ZNF138: variants seen among roughly 807,000 people sequenced by gnomAD.
ZNF138 encodes the protein zinc finger protein 138, also known as zinc finger protein 138 (clone pHZ-32).
Under a neutral mutation model 33.0 loss-of-function variants are expected in ZNF138, and 33 were observed. The observed-to-expected ratio is 1.00, with a 90% CI of 0.76 to 1.34. The LOEUF (loss-of-function observed/expected upper bound fraction) is 1.34, where lower values mean the gene tolerates loss of function less well. Ranked by LOEUF, ZNF138 falls within the 40% of genes most tolerant of loss-of-function variation. ZNF138 has a pLI of 0.00. For synonymous variants in ZNF138, 139 were observed against 120.4 expected (o/e 1.15, Z -1.01); for missense variants, 360 against 370.8 (o/e 0.97, Z 0.24).
chr7:64,840,039 T>C, the ZNF138 span, among the ~76,000 whole-genome samples: 3 of 151,996 alleles, frequency 2.0e-5, no homozygotes, highest in African/African-American at 4.8e-5. Context: ...GTGTGACACG[T>C]CCTAGTGGGC....
intron 3 of ZNF138, among the ~76,000 whole-genome samples, chr7:64,824,093 A>G (rs1226538998): frequency 2.0e-5 from 3 of 152,208 alleles, no homozygotes; most frequent in African/African-American, 7.2e-5. Context: ...TTGGATGTCC[A>G]TGTTCTCCAA....
At chr7:64,830,803 TA>T in intron 3 of ZNF138, 1 of 1,040,176 alleles carries the variant, frequency 9.6e-7, no homozygotes, top group Non-Finnish European at 1.3e-6. Context: ...TTTGTCTGGC[TA>T]AAGATTCTGA....
At chr7:64,853,677 C>T in the ZNF138 span, among the ~76,000 whole-genome samples, 2 of 150,870 alleles carry the variant, frequency 1.3e-5, no homozygotes, top group South Asian at 2.1e-4. Flanking sequence ...AGGGCATTCC[C>T]GTCTTAAAGC....
At chr7:64,805,213 A>G (rs1787478788) in intron 1 of ZNF138, among the ~76,000 whole-genome samples, 2 of 152,072 alleles carry the variant, frequency 1.3e-5, no homozygotes, top group African/African-American at 4.8e-5. Context: ...CCTGACCAAC[A>G]TGGTGAAACC....
the ZNF138 span, among the ~76,000 whole-genome samples, chr7:64,853,561 A>ATG: frequency 2.7e-5 from 4 of 148,606 alleles, no homozygotes; most frequent in African/African-American, 1.0e-4. Context: ...GATTCAAATG[A>ATG]TGAAACTTAC....
At chr7:64,804,300 C>G (rs150347018) in intron 1 of ZNF138, among the ~76,000 whole-genome samples, 3 of 152,134 alleles carry the variant, frequency 2.0e-5, no homozygotes, top group African/African-American at 7.2e-5. Flanking sequence ...TGTTCTGTTC[C>G]GTTCTAATTA....
Position 64,794,458 on chromosome 7 carries a change from C to T in ZNF138, c.-111C>T, listed in dbSNP as rs1011008916. 6.6e-7 allele frequency: 1 copy of T among 1,520,770 alleles called. No individual in the cohort carries two copies. The highest frequency in any genetic ancestry group is 1.4e-5 in the African/African-American group (1 of 72,568). 94.2% of individuals were successfully genotyped at this position (1,520,770 alleles called of 1,614,324 possible). A position where few individuals can be genotyped will look rare whatever the true frequency, so the allele number is the denominator to read the frequency against. On this transcript the variant is annotated 5_prime_UTR_variant, in exon 1 of 4. Transcript: ENST00000307355. The stretch of plus-strand genomic sequence containing the variant: ...GCTGCAGCGGGTGCTGCAGGTCTGG[C>T]CTTCACTTTTCTGCGTCCTCTTACT...
intron 3 of ZNF138, among the ~76,000 whole-genome samples, chr7:64,829,130 A>G (rs1789880059): frequency 1.3e-5 from 2 of 152,144 alleles, no homozygotes; most frequent in Non-Finnish European, 2.9e-5. Context: ...CAAGTGTTCT[A>G]TTGAGGAGAA....
At chr7:64,805,034 A>C (rs965113254) in intron 1 of ZNF138, among the ~76,000 whole-genome samples, 3 of 151,804 alleles carry the variant, frequency 2.0e-5, no homozygotes, top group African/African-American at 7.3e-5. Flanking sequence ...TCACAGGAGA[A>C]CTCTTGGAGC....
At chr7:64,837,490 A>G (rs1790400031), downstream of ZNF138, among the ~76,000 whole-genome samples, 1 of 152,134 alleles carries the variant, frequency 6.6e-6, no homozygotes, top group Admixed American at 6.5e-5. Flanking sequence ...AGCTCTTGAA[A>G]GAGGAAGGGG....
chr7:64,831,935 C>T lies in ZNF138; in HGVS notation c.693C>T (p.Ala231=), dbSNP rs62456845. ...ACAAATGTGAAGTATGTGGAAAAGC[C>T]TTTCACCAATCCTCAATCCTTACTA... ...KPYKCEVCGK[A]FHQSSILTKH... Residue 231 remains alanine (A), a synonymous_variant, in exon 4 of 4, where the codon GCC becomes GCT. Coordinates refer to ENST00000307355, the MANE Select transcript of ZNF138 (RefSeq NM_001271639.2). 7.2e-3 allele frequency: 11,626 copies of T among 1,613,188 alleles called. 41 individuals are homozygous for T. The highest frequency in any genetic ancestry group is 9.1e-3 in the Non-Finnish European group (10,748 of 1,179,720).
intron 3 of ZNF138, chr7:64,830,839 A>G: frequency 7.9e-7 from 1 of 1,272,136 alleles, no homozygotes; most frequent in South Asian, 1.7e-5. Flanking sequence ...TGTTCTTAGG[A>G]TGTGTCAGGT....
the ZNF138 span, among the ~76,000 whole-genome samples, chr7:64,850,520 A>G: frequency 6.6e-6 from 1 of 152,346 alleles, no homozygotes; most frequent in Non-Finnish European, 1.5e-5. Context: ...CTACTAATTT[A>G]GAAAATTCAA....
chr7:64,808,594 T>A (rs201240333), intron 1 of ZNF138, among the ~76,000 whole-genome samples: 2 of 151,910 alleles, frequency 1.3e-5, no homozygotes, highest in African/African-American at 2.4e-5. Flanking sequence ...CTTTTTTTTT[T>A]AAATTTATTT....
rs1014057089 is a variant in ZNF138 at position 64,831,453 on chromosome 7, C to G, written c.211C>G (p.Leu71Val). 6.5e-7 allele frequency: 1 copy of G among 1,544,906 alleles called. No individual in the cohort carries two copies. The highest frequency in any genetic ancestry group is 8.7e-7 in the Non-Finnish European group (1 of 1,151,610). The change falls in exon 4 of 4, where the codon CTG (leucine) becomes GTG (valine). Residue 71 changes from leucine (L) to valine (V), a missense_variant and splice_region_variant. Physicochemically the swap from Leu to Val is conservative, Grantham distance 32 (BLOSUM62 1). Coordinates refer to ENST00000307355, the MANE Select transcript of ZNF138 (RefSeq NM_001271639.2). ...HEMVVAKHSA[L>V]CSRFAQDLWL... is the part of the protein sequence containing the mutation. Reference sequence around the variant, plus strand: ...TTGTTATTTTTTGTTTCTTTCAGCTCTGTGTTCTCGTTTTGCCCAAGACCT... The same window carrying G: ...TTGTTATTTTTTGTTTCTTTCAGCTGTGTGTTCTCGTTTTGCCCAAGACCT...
the ZNF138 span, among the ~76,000 whole-genome samples, chr7:64,847,247 C>T: frequency 6.7e-6 from 1 of 149,932 alleles, no homozygotes. Flanking sequence ...CTGAGGTGGG[C>T]AGATCACTTG....
Position 64,832,531 on chromosome 7 carries a change from G to T in ZNF138, c.*329G>T, listed in dbSNP as rs1456672594. 2 of 664,906 alleles carry T rather than the reference G, an allele frequency of 3.0e-6. No homozygotes were observed. Among genetic ancestry groups the T allele is most frequent in the Non-Finnish European group, 4.7e-6 (2 of 428,124 alleles). 41.2% of individuals were successfully genotyped at this position (664,906 alleles called of 1,614,324 possible). A position where few individuals can be genotyped will look rare whatever the true frequency, so the allele number is the denominator to read the frequency against. On this transcript the variant is annotated 3_prime_UTR_variant, in exon 4 of 4. Coordinates refer to ENST00000307355, the MANE Select transcript of ZNF138 (RefSeq NM_001271639.2). ...GGAGAATGCGGAAAAGCCTTTAACTGGTCCTCAACTCTTATTACACATAAG... is the reference window on the plus strand; with the variant it reads ...GGAGAATGCGGAAAAGCCTTTAACTTGTCCTCAACTCTTATTACACATAAG...
In ZNF138 at chr7:64,794,532, C is replaced by T. The variant is rs141853003; in HGVS notation, c.-37C>T. On this transcript the variant is annotated 5_prime_UTR_variant, in exon 1 of 4. Transcript: ENST00000307355. ...GCTGTGATCTGGTTATTGGGAGATT[C>T]ACAGCTAAGACGCCAGGATCCCCCG... The T allele has an allele frequency of 2.6e-4, 426 of 1,612,886 alleles. 3 individuals are homozygous for T. The African/African-American group carries it at 4.1e-3, about 15-fold the overall frequency.
At chr7:64,848,461 T>C in the ZNF138 span, among the ~76,000 whole-genome samples, 1 of 151,992 alleles carries the variant, frequency 6.6e-6, no homozygotes, top group Non-Finnish European at 1.5e-5. Context: ...CAGAACATTT[T>C]GCATTTCTCT....
Sources: gnomAD v4.1 joint callset for allele counts (sites outside exome capture counted in the v4.1 genomes callset) on GRCh38, gnomAD v4.1.1 for gene constraint, MANE v1.5 for transcripts, NCBI Gene and HGNC (gene_info 2026-07-23, HGNC 2026-07-21) for gene names.